Variants in PTPN3 observed in about 807,000 individuals in gnomAD.
PTPN3 encodes the protein protein tyrosine phosphatase non-receptor type 3.
In PTPN3, 96 loss-of-function variants were observed where a neutral mutation model predicts 132.7. The observed-to-expected ratio is 0.72, with a 90% confidence interval of 0.61 to 0.86. The LOEUF (loss-of-function observed/expected upper bound fraction) is 0.86, where lower values mean the gene tolerates loss of function less well. Among genes scored for constraint, PTPN3 ranks in the 40% least tolerant of loss-of-function variants. The probability of loss-of-function intolerance (pLI) is 0.00; values close to 1 mark genes in which losing one functional copy is unlikely to be tolerated. For missense variants in PTPN3, 1,125 were observed against 1,159.6 expected (o/e 0.97, Z 0.43); for synonymous variants, 398 against 429.0 (o/e 0.93, Z 0.89).
At chr9:109,415,583 G>C (rs1399960425) in intron 14 of PTPN3, among the ~76,000 whole-genome samples, 1 of 152,230 alleles carries the variant, frequency 6.6e-6, no homozygotes, top group African/African-American at 2.4e-5. Context: ...GGAAGGAGGT[G>C]ACACCAAAGA....
intron 22 of PTPN3, among the ~76,000 whole-genome samples, chr9:109,384,229 T>C (rs1839369047): frequency 6.6e-6 from 1 of 152,100 alleles, no homozygotes; most frequent in Non-Finnish European, 1.5e-5. Flanking sequence ...ATGGGTTACA[T>C]ACCAGCTTGA....
intron 12 of PTPN3, among the ~76,000 whole-genome samples, chr9:109,424,282 C>A (rs185059319): frequency 3.2e-4 from 49 of 152,336 alleles, no homozygotes; most frequent in African/African-American, 1.1e-3. Context: ...TCATGTGACC[C>A]TTCTAAGCCT....
At chr9:109,500,047 G>C (rs1014753433), upstream of PTPN3, among the ~76,000 whole-genome samples, 4 of 152,266 alleles carry the variant, frequency 2.6e-5, no homozygotes, top group Non-Finnish European at 4.4e-5. Flanking sequence ...GGGCTCAGCA[G>C]GAGGCATTCT....
chr9:109,442,312 C>T (rs536940581), intron 7 of PTPN3, among the ~76,000 whole-genome samples: 5 of 152,290 alleles, frequency 3.3e-5, no homozygotes, highest in South Asian at 2.1e-4. Context: ...CCTCCCAAAG[C>T]GCTGAGAATA....
the PTPN3 span, among the ~76,000 whole-genome samples, chr9:109,532,468 A>G: frequency 3.9e-5 from 6 of 152,138 alleles, no homozygotes; most frequent in Non-Finnish European, 8.8e-5. Context: ...TTTTTGAAAA[A>G]ATCAAGTTGT....
chr9:109,459,159 TA>T (rs1416308836), intron 2 of PTPN3, among the ~76,000 whole-genome samples: 2 of 152,238 alleles, frequency 1.3e-5, no homozygotes, highest in Non-Finnish European at 2.9e-5. Context: ...TAAAATGTAA[TA>T]ACAAAAAACA....
upstream of PTPN3, among the ~76,000 whole-genome samples, chr9:109,501,486 C>A (rs10816824): frequency 0.15 from 23,101 of 152,134 alleles, 1,864 homozygotes; most frequent in Middle Eastern, 0.25. Flanking sequence ...TACAGATTAC[C>A]TTTAAATGTT....
At chr9:109,412,686 T>C (rs1842177002) in intron 14 of PTPN3, among the ~76,000 whole-genome samples, 1 of 152,106 alleles carries the variant, frequency 6.6e-6, no homozygotes, top group African/African-American at 2.4e-5. Context: ...TAAAAATTTT[T>C]TGTAGACACA....
chr9:109,383,807 G>A (rs1839331432), intron 22 of PTPN3, among the ~76,000 whole-genome samples: 1 of 152,098 alleles, frequency 6.6e-6, no homozygotes, highest in Non-Finnish European at 1.5e-5. Flanking sequence ...TTCATCACCA[G>A]GGGCCACTCG....
intron 1 of PTPN3, among the ~76,000 whole-genome samples, chr9:109,489,024 G>A (rs1588506609): frequency 6.6e-6 from 1 of 152,228 alleles, no homozygotes; most frequent in African/African-American, 2.4e-5. Flanking sequence ...AGAGGTGGAA[G>A]TGTGAGCACT....
At chr9:109,462,961 C>T (rs1182345765) in intron 2 of PTPN3, among the ~76,000 whole-genome samples, 1 of 151,078 alleles carries the variant, frequency 6.6e-6, no homozygotes, top group Non-Finnish European at 1.5e-5. Context: ...ATATAGGGTG[C>T]CATGATGCCT....
In PTPN3 at chr9:109,383,412, C is replaced by T. The variant is rs1233023049; in HGVS notation, c.2382+11G>A. 1 of 1,614,132 alleles carries T rather than the reference C, an allele frequency of 6.2e-7. No individual in the cohort carries two copies. Among genetic ancestry groups the T allele is most frequent in the South Asian group, 1.1e-5 (1 of 91,066 alleles). ...CTGCCCCTCCACCGTGCCCCTCAGG[C>T]TGCGGCTCACCTGGGTGTTTGTGAC... is the stretch of plus-strand genomic sequence containing the variant. On this transcript the variant is annotated intron_variant, in intron 23 of 25. Transcript: ENST00000374541.
chr9:109,411,851 C>T lies in PTPN3; in HGVS notation c.1314-1436G>A, dbSNP rs1003545208. On this transcript the variant is annotated intron_variant, in intron 14 of 25. Transcript: ENST00000374541. ...GTGACAGACCAATGGAGAAACACAG[C>T]GATACAGTAGGACAAGAGTCTGGCC... is the stretch of plus-strand genomic sequence containing the variant. 2.6e-5 allele frequency among the ~76,000 whole-genome samples: 4 copies of T among 152,124 alleles called. No individual in the cohort carries two copies. In the East Asian group the frequency reaches 5.8e-4, roughly 22 times the overall value.
chr9:109,393,631 C>T (rs1840321139), intron 19 of PTPN3, among the ~76,000 whole-genome samples: 1 of 152,102 alleles, frequency 6.6e-6, no homozygotes, highest in Admixed American at 6.5e-5. Flanking sequence ...AGGTGATCCA[C>T]ACACCTCGGC....
At chr9:109,388,999 G>A (rs1309493926) in intron 22 of PTPN3, among the ~76,000 whole-genome samples, 2 of 152,208 alleles carry the variant, frequency 1.3e-5, no homozygotes, top group African/African-American at 2.4e-5. Flanking sequence ...CATGAAGTAA[G>A]GCTAGGGGAA....
chr9:109,406,251 C>T (rs1054887294), intron 18 of PTPN3, among the ~76,000 whole-genome samples: 1 of 152,178 alleles, frequency 6.6e-6, no homozygotes, highest in Non-Finnish European at 1.5e-5. Flanking sequence ...TGTCTCCCCC[C>T]AGAAGACTGG....
At chr9:109,403,129 G>C (rs1244321083) in intron 19 of PTPN3, among the ~76,000 whole-genome samples, 1 of 152,176 alleles carries the variant, frequency 6.6e-6, no homozygotes, top group Non-Finnish European at 1.5e-5. Flanking sequence ...TGGCGGGGAA[G>C]TCAGTCACCT....
At chr9:109,415,067 C>T (rs1038462490) in intron 14 of PTPN3, among the ~76,000 whole-genome samples, 4 of 119,856 alleles carry the variant, frequency 3.3e-5, no homozygotes, top group Admixed American at 2.0e-4. Context: ...TCCATCCGTC[C>T]GTCCATCCAA....
At chr9:109,445,784 T>A (rs1347819400) in intron 6 of PTPN3, among the ~76,000 whole-genome samples, 2 of 152,210 alleles carry the variant, frequency 1.3e-5, no homozygotes, top group Non-Finnish European at 2.9e-5. Flanking sequence ...AGTAGAAAGG[T>A]ATTTTCAATT....
Sources: gnomAD v4.1 joint callset for allele counts (sites outside exome capture counted in the v4.1 genomes callset) on GRCh38, gnomAD v4.1.1 for gene constraint, MANE v1.5 for transcripts, NCBI Gene and HGNC (gene_info 2026-07-23, HGNC 2026-07-21) for gene names.